Variants in GUCY1A2 observed in about 807,000 individuals in gnomAD.
The protein encoded by GUCY1A2 is guanylate cyclase 1 soluble subunit alpha 2.
In GUCY1A2, 27 loss-of-function variants were observed where a neutral mutation model predicts 63.5. The ratio of observed to expected loss-of-function variants is 0.43; its 90% CI spans 0.31 to 0.59. The LOEUF (loss-of-function observed/expected upper bound fraction) is 0.59. Ranked by LOEUF, GUCY1A2 falls within the 20% of genes least tolerant of loss-of-function variation. GUCY1A2 has a pLI of 0.11. For missense variants in GUCY1A2, 768 were observed against 913.3 expected (o/e 0.84, Z 2.05); for synonymous variants, 364 against 343.5 (o/e 1.06, Z -0.66).
chr11:107,017,729 T>C, intron 1 of GUCY1A2, 24 bp downstream of exon 1: 3 of 1,322,064 alleles, frequency 2.3e-6, no homozygotes, highest in Middle Eastern at 2.9e-4. Context: ...CCGAAGGCGG[T>C]CCCCCCTTCC....
At position 106,737,908 on chromosome 11, in the gene GUCY1A2, T is replaced by C. The variant is rs1239186985; in HGVS notation, c.1837-29242A>G. On this transcript the variant is annotated intron_variant, in intron 6 of 7. Transcript: ENST00000526355. ...TTATTTATAATCCTTTGGGTATATA[T>C]CCAGTAATGGGATTGCTGGGTCAAA... is the stretch of plus-strand genomic sequence containing the variant. 2.0e-5 allele frequency among the ~76,000 whole-genome samples: 3 copies of C among 152,134 alleles called. No individual in the cohort carries two copies. The East Asian group carries it at 5.8e-4, about 29-fold the overall frequency.
At chr11:106,990,493 G>A (rs1044728263) in intron 1 of GUCY1A2, among the ~76,000 whole-genome samples, 9 of 152,252 alleles carry the variant, frequency 5.9e-5, no homozygotes, top group Non-Finnish European at 8.8e-5. Context: ...CAGTCCCGCT[G>A]AGGCTCCCAC....
At chr11:106,867,876 C>A (rs563738872) in intron 4 of GUCY1A2, among the ~76,000 whole-genome samples, 2 of 152,034 alleles carry the variant, frequency 1.3e-5, no homozygotes, top group Admixed American at 1.3e-4. Flanking sequence ...TGCTAGTAAG[C>A]ACATGATTAT....
chr11:106,902,189 C>T (rs922080142), intron 4 of GUCY1A2, among the ~76,000 whole-genome samples: 1 of 152,112 alleles, frequency 6.6e-6, no homozygotes, highest in Non-Finnish European at 1.5e-5. Flanking sequence ...TTTACTTTGT[C>T]AAAGAGCACT....
intron 1 of GUCY1A2, among the ~76,000 whole-genome samples, chr11:107,012,611 A>G (rs1861763466): frequency 1.3e-5 from 2 of 152,214 alleles, no homozygotes; most frequent in Non-Finnish European, 2.9e-5. Flanking sequence ...GAAATTTGTC[A>G]GACTCCAAAA....
At chr11:106,795,805 T>G (rs1461303266) in intron 5 of GUCY1A2, among the ~76,000 whole-genome samples, 1 of 152,160 alleles carries the variant, frequency 6.6e-6, no homozygotes, top group African/African-American at 2.4e-5. Flanking sequence ...GGCAGCAGCA[T>G]TGATTTGCAG....
chr11:106,774,467 G>A (rs1864320070), intron 6 of GUCY1A2, among the ~76,000 whole-genome samples: 1 of 151,988 alleles, frequency 6.6e-6, no homozygotes, highest in African/African-American at 2.4e-5. Context: ...CTTTTTCTCT[G>A]ATGCCCTGCA....
At chr11:106,753,298 T>C (rs1863915528) in intron 6 of GUCY1A2, among the ~76,000 whole-genome samples, 2 of 152,198 alleles carry the variant, frequency 1.3e-5, no homozygotes, top group African/African-American at 2.4e-5. Flanking sequence ...TTGCAAAAAT[T>C]TTCTCCCATT....
chr11:106,854,455 C>A (rs541005218), intron 4 of GUCY1A2, among the ~76,000 whole-genome samples: 1 of 152,212 alleles, frequency 6.6e-6, no homozygotes, highest in African/African-American at 2.4e-5. Flanking sequence ...ACATGGTAGG[C>A]CTGTCCTCAG....
intron 2 of GUCY1A2, among the ~76,000 whole-genome samples, chr11:106,985,726 C>G (rs1431634366): frequency 6.6e-6 from 1 of 152,096 alleles, no homozygotes. Context: ...TTCTAAAATC[C>G]CATTCAAAGC....
At chr11:106,828,723 G>A (rs1859010678) in intron 4 of GUCY1A2, among the ~76,000 whole-genome samples, 1 of 152,108 alleles carries the variant, frequency 6.6e-6, no homozygotes, top group Admixed American at 6.5e-5. Flanking sequence ...CTGACCTCTT[G>A]ACCTACACAG....
intron 7 of GUCY1A2, among the ~76,000 whole-genome samples, chr11:106,695,318 GA>G (rs1862698511): frequency 6.6e-6 from 1 of 152,108 alleles, no homozygotes; most frequent in Non-Finnish European, 1.5e-5. Flanking sequence ...ATTAACTTCC[GA>G]AAAGGGTAAT....
intron 7 of GUCY1A2, among the ~76,000 whole-genome samples, chr11:106,706,398 C>G (rs1862911362): frequency 6.6e-6 from 1 of 152,094 alleles, no homozygotes; most frequent in African/African-American, 2.4e-5. Context: ...AGAACAATAA[C>G]ACAACAGTAA....
intron 4 of GUCY1A2, among the ~76,000 whole-genome samples, chr11:106,816,069 T>TAACAACAAAATCTACAAA (rs1858826897): frequency 6.6e-6 from 1 of 150,654 alleles, no homozygotes; most frequent in Non-Finnish European, 1.5e-5. Flanking sequence ...ACTGATACCT[T>TAACAACAAAATCTACAAA]AACAACAAAA....
At chr11:106,783,941 G>A (rs1443655926) in intron 5 of GUCY1A2, among the ~76,000 whole-genome samples, 1 of 152,034 alleles carries the variant, frequency 6.6e-6, no homozygotes, top group Non-Finnish European at 1.5e-5. Flanking sequence ...GGCTCCAGCT[G>A]GAGGAAGCCC....
chr11:107,000,876 A>G (rs1861604344), intron 1 of GUCY1A2, among the ~76,000 whole-genome samples: 1 of 152,230 alleles, frequency 6.6e-6, no homozygotes. Context: ...AACCAATCAC[A>G]CAAGGGAAAG....
intron 5 of GUCY1A2, among the ~76,000 whole-genome samples, chr11:106,782,814 A>T (rs1009396084): frequency 6.6e-6 from 1 of 152,218 alleles, no homozygotes; most frequent in Non-Finnish European, 1.5e-5. Context: ...CTTACTAGTA[A>T]CAGAAGAGCA....
At chr11:106,986,217 C>T in intron 1 of GUCY1A2, 86 bp from the exon 2 acceptor site, 1 of 718,364 alleles carries the variant, frequency 1.4e-6, no homozygotes, top group Non-Finnish European at 2.4e-6. Context: ...ACAGGTGAAG[C>T]TTCTGATTTA....
intron 4 of GUCY1A2, among the ~76,000 whole-genome samples, chr11:106,907,976 T>C (rs1860236674): frequency 6.6e-6 from 1 of 152,076 alleles, no homozygotes; most frequent in Non-Finnish European, 1.5e-5. Flanking sequence ...TTTCTGCAAA[T>C]GAAAATTACA....
Sources: gnomAD v4.1 joint callset for allele counts (sites outside exome capture counted in the v4.1 genomes callset) on GRCh38, gnomAD v4.1.1 for gene constraint, MANE v1.5 for transcripts, NCBI Gene and HGNC (gene_info 2026-07-23, HGNC 2026-07-21) for gene names.